PRDM5: variants seen among roughly 807,000 people sequenced by gnomAD.
The protein encoded by PRDM5 is PR domain zinc finger protein 5.
A neutral mutation model predicts 81.2 loss-of-function variants in PRDM5; 56 were observed. The observed-to-expected ratio is 0.69, with a 90% CI of 0.56 to 0.86. PRDM5 has a LOEUF of 0.86. Ranked by LOEUF, PRDM5 falls within the 40% of genes least tolerant of loss-of-function variation. The pLI, the probability that PRDM5 is intolerant of heterozygous loss-of-function variation, is 0.00. For synonymous variants in PRDM5, 267 were observed against 256.4 expected, an observed-to-expected ratio of 1.04 and a Z score of -0.39; for missense variants, 697 against 770.1, an observed-to-expected ratio of 0.91 and a Z score of 1.12.
At chr4:120,838,834 G>A in intron 3 of PRDM5, 1 of 191,026 alleles carries the variant, frequency 5.2e-6, no homozygotes, top group South Asian at 1.6e-4. Context: ...GCTGTGTTCA[G>A]CTCACACTAA....
intron 3 of PRDM5, among the ~76,000 whole-genome samples, chr4:120,835,520 G>A (rs544198913): frequency 6.6e-6 from 1 of 152,256 alleles, no homozygotes; most frequent in African/African-American, 2.4e-5. Flanking sequence ...TCTTTTCTGT[G>A]CTGTTCCTGT....
intron 2 of PRDM5, among the ~76,000 whole-genome samples, chr4:120,890,791 T>G (rs904050983): frequency 7.2e-5 from 11 of 152,368 alleles, no homozygotes; most frequent in African/African-American, 2.4e-4. Context: ...TATCTGTTCA[T>G]ATCATTTGTC....
At chr4:120,757,538 G>T (rs1466970388) in intron 13 of PRDM5, among the ~76,000 whole-genome samples, 2 of 152,088 alleles carry the variant, frequency 1.3e-5, no homozygotes, top group Admixed American at 1.3e-4. Flanking sequence ...CATTATTTCT[G>T]GGTCTGTGAG....
chr4:120,726,301 G>A (rs1476376599), intron 14 of PRDM5, among the ~76,000 whole-genome samples: 1 of 152,164 alleles, frequency 6.6e-6, no homozygotes, highest in Non-Finnish European at 1.5e-5. Context: ...GCTGAATTGA[G>A]GTAATTTCCT....
chr4:120,738,184 G>A (rs966524164), intron 14 of PRDM5, among the ~76,000 whole-genome samples: 1 of 152,172 alleles, frequency 6.6e-6, no homozygotes. Flanking sequence ...GATCACCCAC[G>A]CTTGAGTTTG....
At chr4:120,774,676 A>G (rs1747792193) in intron 13 of PRDM5, among the ~76,000 whole-genome samples, 1 of 152,160 alleles carries the variant, frequency 6.6e-6, no homozygotes, top group Non-Finnish European at 1.5e-5. Context: ...CCCCAGCCAC[A>G]CTGCTAGACA....
chr4:120,741,717 G>C (rs181681626), intron 14 of PRDM5, among the ~76,000 whole-genome samples: 1 of 152,194 alleles, frequency 6.6e-6, no homozygotes, highest in South Asian at 2.1e-4. Flanking sequence ...GCGCTTTTCC[G>C]ACAGGCTTAA....
intron 1 of PRDM5, among the ~76,000 whole-genome samples, chr4:120,916,512 A>C (rs1724186687): frequency 6.6e-6 from 1 of 152,240 alleles, no homozygotes; most frequent in Admixed American, 6.5e-5. Flanking sequence ...TGATGATCTA[A>C]AGAAACAAGA....
chr4:120,730,373 G>C (rs1357939009), intron 14 of PRDM5, among the ~76,000 whole-genome samples: 5 of 152,102 alleles, frequency 3.3e-5, no homozygotes, highest in Non-Finnish European at 2.9e-5. Flanking sequence ...ATTGAAAAAG[G>C]CACATGAATC....
intron 4 of PRDM5, among the ~76,000 whole-genome samples, chr4:120,818,800 T>C (rs1180045852): frequency 6.6e-6 from 1 of 152,208 alleles, no homozygotes; most frequent in Non-Finnish European, 1.5e-5. Context: ...TAATGTTAAC[T>C]TTTCAGATCA....
chr4:120,904,372 A>G (rs72680482), intron 2 of PRDM5, among the ~76,000 whole-genome samples: 1,621 of 152,156 alleles, frequency 0.011, 21 homozygotes, highest in Non-Finnish European at 0.018. Flanking sequence ...GGTTAAATGT[A>G]TCAAAAGGTC....
At chr4:120,710,240 TACACAC>T in intron 15 of PRDM5, 63 bp downstream of exon 15, 8 of 1,026,232 alleles carry the variant, frequency 7.8e-6, no homozygotes, top group Non-Finnish European at 1.2e-5. Context: ...CACACACACA[TACACAC>T]ACACACACAC....
At position 120,693,988 on chromosome 4, in the gene PRDM5, T is replaced by C. The variant is rs1198027481; in HGVS notation, c.*1123A>G. 2 of 152,142 alleles carry C rather than the reference T, an allele frequency of 1.3e-5. No homozygotes were observed. Among genetic ancestry groups the C allele is most frequent in the African/African-American group, 4.8e-5 (2 of 41,438 alleles). The allele number at this position is 152,142 out of a possible 1,614,324, so 9.4% of individuals were successfully genotyped here. A position where few individuals can be genotyped will look rare whatever the true frequency, so the allele number is the denominator to read the frequency against. On this transcript the variant is annotated 3_prime_UTR_variant, in exon 16 of 16. Transcript: ENST00000264808. Reference sequence around the variant, plus strand: ...AATTTCCCTTAAGCATCAGTGACAGTTTCAATCATAACAATTGCCAAGTTT... The same window carrying C: ...AATTTCCCTTAAGCATCAGTGACAGCTTCAATCATAACAATTGCCAAGTTT...
chr4:120,895,919 A>G (rs1352170415), intron 2 of PRDM5, among the ~76,000 whole-genome samples: 1 of 152,208 alleles, frequency 6.6e-6, no homozygotes, highest in Non-Finnish European at 1.5e-5. Flanking sequence ...AGTCAACACT[A>G]AAAATGGGCC....
intron 12 of PRDM5, among the ~76,000 whole-genome samples, chr4:120,780,269 A>G (rs145245143): frequency 0.023 from 3,506 of 152,014 alleles, 129 homozygotes; most frequent in African/African-American, 0.08. Flanking sequence ...ACATAGCAAG[A>G]CCCTATCTCT....
At chr4:120,786,638 C>G (rs970868680) in intron 10 of PRDM5, among the ~76,000 whole-genome samples, 4 of 152,054 alleles carry the variant, frequency 2.6e-5, no homozygotes, top group Admixed American at 2.6e-4. Flanking sequence ...TTTAAATGTA[C>G]TAGAAGAAAA....
At chr4:120,881,896 G>A (rs914672511) in intron 2 of PRDM5, among the ~76,000 whole-genome samples, 15 of 152,154 alleles carry the variant, frequency 9.9e-5, no homozygotes, top group African/African-American at 3.6e-4. Flanking sequence ...TTTGATAACT[G>A]AAATAATTTC....
intron 4 of PRDM5, 56 bp downstream of exon 4, chr4:120,821,115 C>T (rs1755201746): frequency 1.3e-6 from 2 of 1,569,424 alleles, no homozygotes; most frequent in Non-Finnish European, 1.8e-6. Flanking sequence ...ACAGTTTAAA[C>T]TACACTTTTT....
In PRDM5 at chr4:120,754,589, A is replaced by G; in HGVS notation, c.1587T>C (p.Asn529=). 1 of 1,600,576 alleles carries G rather than the reference A, an allele frequency of 6.2e-7. No individual in the cohort carries two copies. Among genetic ancestry groups the G allele is most frequent in the Non-Finnish European group, 8.6e-7 (1 of 1,167,838 alleles). Residue 529 remains asparagine (N), a synonymous_variant, in exon 14 of 16, where the codon AAT becomes AAC. Transcript: ENST00000264808. Reference sequence around the variant, plus strand: ...TACGAATGTGCATCTTCAGTCCATCATTTTTACTGAATCCTTTTTCACAGT... The same window carrying G: ...TACGAATGTGCATCTTCAGTCCATCGTTTTTACTGAATCCTTTTTCACAGT... The part of the protein sequence containing the change: ...CPYCEKGFSK[N]DGLKMHIRTH...
Sources: allele counts gnomAD v4.1 joint callset (sites outside exome capture counted in the v4.1 genomes callset), GRCh38; gene constraint gnomAD v4.1.1; transcripts MANE v1.5; gene names NCBI Gene and HGNC (gene_info 2026-07-23, HGNC 2026-07-21).